The following ITK variants were observed in gnomAD, a reference collection of about 807,000 sequenced individuals.
ITK encodes IL2 inducible T cell kinase.
Under a neutral mutation model 87.6 loss-of-function variants are expected in ITK, and 45 were observed. The observed-to-expected ratio is 0.51, with a 90% CI of 0.40 to 0.66. The LOEUF is 0.66. Among genes scored for constraint, ITK ranks in the 30% least tolerant of loss-of-function variants. The probability of loss-of-function intolerance (pLI) is 0.00; values close to 1 mark genes in which losing one functional copy is unlikely to be tolerated. For synonymous variants in ITK, 303 were observed against 273.6 expected (o/e 1.11, Z -1.06); for missense variants, 605 against 766.3 (o/e 0.79, Z 2.48).
At chr5:157,196,288 G>A (rs1753854102) in intron 1 of ITK, among the ~76,000 whole-genome samples, 1 of 151,990 alleles carries the variant, frequency 6.6e-6, no homozygotes, top group Admixed American at 6.6e-5. Context: ...CATTCCCCAG[G>A]GCCACATGTG....
intron 1 of ITK, among the ~76,000 whole-genome samples, chr5:157,203,313 C>G (rs1281411506): frequency 6.6e-6 from 1 of 152,200 alleles, no homozygotes; most frequent in Non-Finnish European, 1.5e-5. Flanking sequence ...AATGTACTAG[C>G]CTTAAATCTG....
intron 1 of ITK, among the ~76,000 whole-genome samples, chr5:157,188,141 T>C (rs1334207039): frequency 6.6e-6 from 1 of 152,140 alleles, no homozygotes; most frequent in African/African-American, 2.4e-5. Context: ...CATTTTTACT[T>C]GTGACATTGA....
At chr5:157,204,674 G>A (rs569586411) in intron 1 of ITK, among the ~76,000 whole-genome samples, 37 of 152,058 alleles carry the variant, frequency 2.4e-4, no homozygotes, top group Non-Finnish European at 4.6e-4. Context: ...ACTCCAGCCT[G>A]GGCGACAGAG....
intron 1 of ITK, among the ~76,000 whole-genome samples, chr5:157,187,826 A>G (rs74367618): frequency 0.018 from 2,796 of 151,574 alleles, 82 homozygotes; most frequent in African/African-American, 0.065. Flanking sequence ...TTGACCCAGA[A>G]CCTTGCTCTG....
chr5:157,221,532 C>T (rs1270724705), intron 5 of ITK, among the ~76,000 whole-genome samples: 1 of 152,054 alleles, frequency 6.6e-6, no homozygotes, highest in Non-Finnish European at 1.5e-5. Flanking sequence ...AGGCCTATAG[C>T]ATACCTCAAA....
intron 7 of ITK, among the ~76,000 whole-genome samples, chr5:157,228,643 A>AC (rs1561659320): frequency 6.7e-6 from 1 of 148,950 alleles, no homozygotes; most frequent in Non-Finnish European, 1.5e-5. Flanking sequence ...TTCTTCTTTA[A>AC]TTTTTTTTTT....
At chr5:157,211,907 A>T (rs147410835) in intron 3 of ITK, among the ~76,000 whole-genome samples, 1 of 152,350 alleles carries the variant, frequency 6.6e-6, no homozygotes, top group African/African-American at 2.4e-5. Context: ...ATGTGAGCAA[A>T]GTCCTAGAAA....
chr5:157,200,927 C>T (rs913464837), intron 1 of ITK, among the ~76,000 whole-genome samples: 3 of 152,002 alleles, frequency 2.0e-5, no homozygotes, highest in Non-Finnish European at 4.4e-5. Flanking sequence ...GAGATATGCA[C>T]AAAATATACA....
chr5:157,204,471 G>A (rs889132653), intron 1 of ITK, among the ~76,000 whole-genome samples: 1 of 152,190 alleles, frequency 6.6e-6, no homozygotes, highest in African/African-American at 2.4e-5. Context: ...AGGTTGAGGT[G>A]GGTGGACCAC....
At chr5:157,212,526 A>G (rs1261079556) in intron 3 of ITK, among the ~76,000 whole-genome samples, 2 of 152,190 alleles carry the variant, frequency 1.3e-5, no homozygotes, top group African/African-American at 4.8e-5. Flanking sequence ...AAAAGTAAGA[A>G]GTAATCAAAA....
chr5:157,194,855 G>T (rs992877198), intron 1 of ITK, among the ~76,000 whole-genome samples: 14 of 152,118 alleles, frequency 9.2e-5, no homozygotes, highest in African/African-American at 3.1e-4. Context: ...AGGGAACTAG[G>T]GTATGGTAGA....
intron 7 of ITK, 43 bp from the exon 8 acceptor site, chr5:157,232,297 C>G (rs1296858282): frequency 1.5e-6 from 2 of 1,360,096 alleles, no homozygotes; most frequent in Admixed American, 3.4e-5. Flanking sequence ...AATAATGAAA[C>G]TTTAAAATAT....
intron 8 of ITK, among the ~76,000 whole-genome samples, chr5:157,233,482 G>T (rs778199553): frequency 1.3e-5 from 2 of 152,006 alleles, no homozygotes; most frequent in Non-Finnish European, 2.9e-5. Flanking sequence ...ATTTCCTGTG[G>T]GTTCCCCAAA....
intron 16 of ITK, among the ~76,000 whole-genome samples, chr5:157,250,487 GT>G (rs1755118929): frequency 6.6e-6 from 1 of 150,704 alleles, no homozygotes; most frequent in African/African-American, 2.4e-5. Flanking sequence ...GTTGTTTTCA[GT>G]TTTTGTGTTT....
At chr5:157,220,656 C>G (rs997774603) in intron 5 of ITK, among the ~76,000 whole-genome samples, 3 of 152,146 alleles carry the variant, frequency 2.0e-5, no homozygotes, top group African/African-American at 7.2e-5. Flanking sequence ...CCCAAACAAC[C>G]CTTCCTGAGC....
chr5:157,245,819 T>A, intron 14 of ITK, 29 bp downstream of exon 14: 1 of 1,612,458 alleles, frequency 6.2e-7, no homozygotes, highest in East Asian at 2.2e-5. Context: ...GCCGGTGAAG[T>A]CTCAGGAATG....
At chr5:157,237,539 A>T (rs1022446635) in intron 8 of ITK, among the ~76,000 whole-genome samples, 1 of 152,360 alleles carries the variant, frequency 6.6e-6, no homozygotes, top group African/African-American at 2.4e-5. Flanking sequence ...AAAAATTTTT[A>T]AAAGTTATAT....
At position 157,185,490 on chromosome 5, in the gene ITK, T is replaced by C. The variant is rs558759931; in HGVS notation, c.138+4375T>C. ...CTCCTGACCTCATGGTCTGCCCACC[T>C]CGGCCTCCCAAAGTGCTGGGATTAC... On this transcript the variant is annotated intron_variant, in intron 1 of 16. Transcript: ENST00000422843. 2.0e-5 allele frequency among the ~76,000 whole-genome samples: 3 copies of C among 151,870 alleles called. No individual in the cohort carries two copies. In the South Asian group the frequency reaches 6.3e-4, roughly 32 times the overall value.
intron 1 of ITK, among the ~76,000 whole-genome samples, chr5:157,196,735 C>G (rs1406626438): frequency 5.3e-5 from 8 of 152,186 alleles, no homozygotes; most frequent in Non-Finnish European, 1.2e-4. Flanking sequence ...CGCCTCAGTG[C>G]AAGCAGTTAT....
Sources: allele counts gnomAD v4.1 joint callset (sites outside exome capture counted in the v4.1 genomes callset), GRCh38; gene constraint gnomAD v4.1.1; transcripts MANE v1.5; gene names NCBI Gene and HGNC (gene_info 2026-07-23, HGNC 2026-07-21).